KCNN3: variants seen among roughly 807,000 people sequenced by gnomAD.
KCNN3 encodes small conductance calcium-activated potassium channel protein 3.
In KCNN3, 16 loss-of-function variants were observed where a neutral mutation model predicts 62.9. The observed-to-expected ratio is 0.25, with a 90% confidence interval of 0.17 to 0.39. The LOEUF (loss-of-function observed/expected upper bound fraction) is 0.39, where lower values mean the gene tolerates loss of function less well. KCNN3 is among the 10% of genes least tolerant of loss of function. KCNN3 has a pLI of 1.00. For missense variants in KCNN3, 599 were observed against 949.4 expected, an observed-to-expected ratio of 0.63 and a Z score of 4.85; for synonymous variants, 370 against 389.2, an observed-to-expected ratio of 0.95 and a Z score of 0.58.
intron 3 of KCNN3, chr1:154,736,897 C>A: frequency 1.6e-6 from 1 of 638,668 alleles, no homozygotes. Context: ...GAGTGAAGAT[C>A]TTGAGAGTGT....
At chr1:154,744,697 A>C (rs1369994235) in intron 3 of KCNN3, among the ~76,000 whole-genome samples, 1 of 152,188 alleles carries the variant, frequency 6.6e-6, no homozygotes, top group East Asian at 1.9e-4. Context: ...TCTAATTATC[A>C]AGTACCTTCA....
intron 3 of KCNN3, among the ~76,000 whole-genome samples, chr1:154,747,446 A>C (rs941263276): frequency 1.3e-5 from 2 of 152,172 alleles, no homozygotes; most frequent in African/African-American, 4.8e-5. Flanking sequence ...TGGGGCAGAC[A>C]AACAGTCTCT....
intron 1 of KCNN3, among the ~76,000 whole-genome samples, chr1:154,860,959 T>G (rs1386315602): frequency 1.4e-5 from 2 of 147,752 alleles, no homozygotes; most frequent in Non-Finnish European, 3.0e-5. Context: ...AAGTTTTTTT[T>G]TTTTTTTTTT....
At chr1:154,836,100 T>C (rs1260250936) in intron 1 of KCNN3, among the ~76,000 whole-genome samples, 3 of 152,190 alleles carry the variant, frequency 2.0e-5, no homozygotes, top group Non-Finnish European at 2.9e-5. Flanking sequence ...ACCTTGAGCA[T>C]TTCAAGTGGC....
intron 3 of KCNN3, 42 bp from the exon 4 acceptor site, chr1:154,733,186 C>G (rs1056942080): frequency 2.5e-6 from 4 of 1,609,440 alleles, no homozygotes; most frequent in Non-Finnish European, 3.4e-6. Context: ...AACAGCCATT[C>G]CTGGGAGTAA....
At chr1:154,770,492 T>C (rs1358305050) in intron 3 of KCNN3, among the ~76,000 whole-genome samples, 1 of 152,178 alleles carries the variant, frequency 6.6e-6, no homozygotes, top group Non-Finnish European at 1.5e-5. Flanking sequence ...CATGGAAGAT[T>C]TGGCAATATA....
At chr1:154,719,778 C>T (rs1700307379) in intron 5 of KCNN3, among the ~76,000 whole-genome samples, 1 of 152,160 alleles carries the variant, frequency 6.6e-6, no homozygotes, top group African/African-American at 2.4e-5. Context: ...GCTTCCCCGG[C>T]TGCCCTCTCT....
chr1:154,783,943 C>A (rs1179601174), intron 2 of KCNN3, among the ~76,000 whole-genome samples: 1 of 152,118 alleles, frequency 6.6e-6, no homozygotes, highest in African/African-American at 2.4e-5. Context: ...CGAGGAGCAA[C>A]AGGAACAGGA....
chr1:154,727,020 G>A (rs916294534), intron 4 of KCNN3, among the ~76,000 whole-genome samples: 8 of 152,140 alleles, frequency 5.3e-5, no homozygotes, highest in Admixed American at 3.3e-4. Flanking sequence ...AATCCTCTTC[G>A]CTAGGCTTCT....
chr1:154,762,665 G>A (rs1324073707), intron 3 of KCNN3, among the ~76,000 whole-genome samples: 3 of 152,160 alleles, frequency 2.0e-5, no homozygotes, highest in African/African-American at 7.2e-5. Context: ...TGTGTATGAT[G>A]TAATCAAACA....
At chr1:154,835,771 G>A (rs1292765958) in intron 1 of KCNN3, among the ~76,000 whole-genome samples, 2 of 152,170 alleles carry the variant, frequency 1.3e-5, no homozygotes, top group Non-Finnish European at 2.9e-5. Flanking sequence ...TGTTTACAAA[G>A]CATTTTCTTG....
intron 1 of KCNN3, 90 bp from the exon 2 acceptor site, chr1:154,822,274 G>A: frequency 1.1e-6 from 1 of 941,866 alleles, no homozygotes; most frequent in East Asian, 2.5e-5. Flanking sequence ...GAAGGGGTGG[G>A]GACACAGGAG....
chr1:154,838,746 G>A (rs1253697675), intron 1 of KCNN3, among the ~76,000 whole-genome samples: 2 of 152,142 alleles, frequency 1.3e-5, no homozygotes, highest in Admixed American at 6.5e-5. Context: ...TTCTAAGTGC[G>A]TTGAGCATCT....
chr1:154,773,524 A>T (rs1437128337), intron 2 of KCNN3, among the ~76,000 whole-genome samples: 1 of 152,220 alleles, frequency 6.6e-6, no homozygotes, highest in East Asian at 1.9e-4. Flanking sequence ...AGTCAGGTAA[A>T]TGTGGTGGGA....
intron 4 of KCNN3, among the ~76,000 whole-genome samples, chr1:154,729,478 G>C (rs1700545508): frequency 6.6e-6 from 1 of 152,082 alleles, no homozygotes; most frequent in Non-Finnish European, 1.5e-5. Flanking sequence ...AATCTGGACC[G>C]AGACTCCTCC....
At chr1:154,730,043 A>G (rs1227450958) in intron 4 of KCNN3, among the ~76,000 whole-genome samples, 1 of 152,262 alleles carries the variant, frequency 6.6e-6, no homozygotes, top group Non-Finnish European at 1.5e-5. Flanking sequence ...GGGGTCTTCC[A>G]GATGCCTACA....
intron 1 of KCNN3, among the ~76,000 whole-genome samples, chr1:154,840,285 G>C (rs140783835): frequency 1.3e-5 from 2 of 152,164 alleles, no homozygotes. Flanking sequence ...GCTATTAAAA[G>C]ATCCACTGTG....
intron 2 of KCNN3, among the ~76,000 whole-genome samples, chr1:154,788,243 A>C (rs12726787): frequency 0.21 from 31,280 of 152,114 alleles, 3,341 homozygotes; most frequent in Middle Eastern, 0.25. Flanking sequence ...CCACCTTCAC[A>C]CACCTCTGTA....
At chr1:154,763,245 A>G (rs1265285583) in intron 3 of KCNN3, among the ~76,000 whole-genome samples, 1 of 152,064 alleles carries the variant, frequency 6.6e-6, no homozygotes, top group Non-Finnish European at 1.5e-5. Context: ...GGATTTATAA[A>G]TTATGTTTTT....
Sources: gnomAD v4.1 joint callset for allele counts (sites outside exome capture counted in the v4.1 genomes callset) on GRCh38, gnomAD v4.1.1 for gene constraint, MANE v1.5 for transcripts, NCBI Gene and HGNC (gene_info 2026-07-23, HGNC 2026-07-21) for gene names.